USP39: variants seen among roughly 807,000 people sequenced by gnomAD.
The protein encoded by USP39 is ubiquitin specific peptidase 39, also known as ubiquitin carboxyl-terminal hydrolase 39.
Under a neutral mutation model 66.4 loss-of-function variants are expected in USP39, and 38 were observed. The ratio of observed to expected loss-of-function variants is 0.57; its 90% CI spans 0.44 to 0.75. USP39 has a LOEUF of 0.75. Among genes scored for constraint, USP39 ranks in the 30% least tolerant of loss-of-function variants. The probability of loss-of-function intolerance (pLI) is 0.00; values close to 1 mark genes in which losing one functional copy is unlikely to be tolerated. For synonymous variants in USP39, 303 were observed against 274.6 expected (o/e 1.10, Z -1.02); for missense variants, 608 against 714.4 (o/e 0.85, Z 1.70).
At chr2:85,621,386 A>G (rs1674450630) in intron 2 of USP39, 99 bp from the exon 3 acceptor site, 8 of 963,754 alleles carry the variant, frequency 8.3e-6, no homozygotes, top group Admixed American at 1.8e-5. Flanking sequence ...TTTCTGAAGG[A>G]TGTTATGTGG....
chr2:85,641,845 A>G (rs1321146544), intron 10 of USP39, among the ~76,000 whole-genome samples: 1 of 148,558 alleles, frequency 6.7e-6, no homozygotes, highest in Non-Finnish European at 1.5e-5. Context: ...TTGAGGCTGC[A>G]GTGAGCTGAG....
At chr2:85,626,800 C>T (rs1674899740) in intron 5 of USP39, among the ~76,000 whole-genome samples, 1 of 151,950 alleles carries the variant, frequency 6.6e-6, no homozygotes, top group African/African-American at 2.4e-5. Flanking sequence ...TCACTGCAAC[C>T]TCTGCCTCCC....
chr2:85,606,431 G>A (rs1198732696), intron 1 of USP39, among the ~76,000 whole-genome samples: 1 of 152,212 alleles, frequency 6.6e-6, no homozygotes, highest in East Asian at 1.9e-4. Context: ...CCCCAGCTGA[G>A]GGGTGGCAGT....
At chr2:85,631,730 T>G (rs1387426666) in intron 6 of USP39, among the ~76,000 whole-genome samples, 1 of 151,896 alleles carries the variant, frequency 6.6e-6, no homozygotes, top group African/African-American at 2.4e-5. Flanking sequence ...TCTGATGATA[T>G]TTTTGTTTTG....
At chr2:85,637,518 T>C in intron 8 of USP39, 82 bp downstream of exon 8, 1 of 1,462,028 alleles carries the variant, frequency 6.8e-7, no homozygotes, top group Non-Finnish European at 9.6e-7. Context: ...CTCAGAGAAC[T>C]GACAAGCCTG....
chr2:85,607,972 T>C (rs1474577456), upstream of USP39: 1 of 152,278 alleles, frequency 6.6e-6, no homozygotes, highest in Non-Finnish European at 1.5e-5. Context: ...TCATTCCCTC[T>C]GGCGTGCTGT....
chr2:85,609,033 G>A (rs762514760), upstream of USP39: 21 of 1,614,050 alleles, frequency 1.3e-5, no homozygotes, highest in East Asian at 8.9e-5. Context: ...CGTGTGTGCC[G>A]ACACCTTCTC....
intron 1 of USP39, among the ~76,000 whole-genome samples, chr2:85,604,678 G>A (rs1673154111): frequency 6.6e-6 from 1 of 152,262 alleles, no homozygotes; most frequent in South Asian, 2.1e-4. Flanking sequence ...ACAAGGGTGT[G>A]CTTCCTTGCT....
chr2:85,643,972 ATATT>A (rs1676447492), intron 10 of USP39, among the ~76,000 whole-genome samples: 1 of 152,156 alleles, frequency 6.6e-6, no homozygotes, highest in Admixed American at 6.5e-5. Context: ...TTAACAGTGA[ATATT>A]TATTGCAGTC....
Position 85,621,924 on chromosome 2 carries a change from A to G in USP39, c.433+345A>G, listed in dbSNP as rs552616557. ...AACCTCCGCCTCCTGGGTTCAAGCAATTGTCCTGCCTCAGCCTCCAGAGTA... is the reference window on the plus strand; with the variant it reads ...AACCTCCGCCTCCTGGGTTCAAGCAGTTGTCCTGCCTCAGCCTCCAGAGTA... On this transcript the variant is annotated intron_variant, in intron 3 of 12. Coordinates refer to ENST00000323701, the MANE Select transcript of USP39 (RefSeq NM_006590.4). Among the ~76,000 whole-genome samples the G allele has an allele frequency of 1.3e-4, 20 of 152,106 alleles. No individual in the cohort carries two copies. The East Asian group carries it at 3.3e-3, about 25-fold the overall frequency.
intron 6 of USP39, among the ~76,000 whole-genome samples, chr2:85,633,367 C>T (rs1439843976): frequency 2.0e-5 from 3 of 152,288 alleles, no homozygotes; most frequent in South Asian, 4.1e-4. Context: ...AGGTGATCCA[C>T]CCGCCTCGGC....
At chr2:85,618,571 AAAAC>A (rs1197438066) in intron 1 of USP39, among the ~76,000 whole-genome samples, 1 of 151,574 alleles carries the variant, frequency 6.6e-6, no homozygotes, top group Non-Finnish European at 1.5e-5. Context: ...CAAAAAAAAA[AAAAC>A]AAAAAAAAAA....
Position 85,646,883 on chromosome 2 carries a change from C to CTT in USP39, c.1564-1026_1564-1025dup, listed in dbSNP as rs773751290. Among the ~76,000 whole-genome samples the CTT allele has an allele frequency of 6.6e-3, 713 of 108,484 alleles. 9 individuals carry two copies. Among genetic ancestry groups the CTT allele is most frequent in the South Asian group, 0.014 (43 of 3,032 alleles). The allele number at this position is 108,484 out of a possible 152,430, so 71.2% of individuals were successfully genotyped here. A position where few individuals can be genotyped will look rare whatever the true frequency, so the allele number is the denominator to read the frequency against. ...GACACCTTTTCTTGATGACCTGTTG[C>CTT]TTTTTTTTTTTTTTTTTTTTTTAAG... On this transcript the variant is annotated intron_variant, in intron 11 of 12. Coordinates refer to ENST00000323701, the MANE Select transcript of USP39 (RefSeq NM_006590.4).
Position 85,621,590 on chromosome 2 carries a change from T to G in USP39, c.433+11T>G. The G allele has an allele frequency of 6.2e-7, 1 of 1,612,538 alleles. No individual in the cohort carries two copies. Among genetic ancestry groups the G allele is most frequent in the Non-Finnish European group, 8.5e-7 (1 of 1,179,008 alleles). ...GCAAGTACTTTCAAGGTAAATAAGT[T>G]GTTAGAGCTAACTGCAGATCTGCTC... On this transcript the variant is annotated intron_variant, in intron 3 of 12. Coordinates refer to ENST00000323701, the MANE Select transcript of USP39 (RefSeq NM_006590.4).
chr2:85,603,356 T>G (rs1012237401), intron 1 of USP39, among the ~76,000 whole-genome samples: 3 of 152,166 alleles, frequency 2.0e-5, no homozygotes, highest in African/African-American at 7.2e-5. Context: ...TTATTTGAAA[T>G]AAGACGGCAG....
intron 1 of USP39, among the ~76,000 whole-genome samples, chr2:85,616,799 T>G (rs983747866): frequency 6.7e-6 from 1 of 150,276 alleles, no homozygotes; most frequent in African/African-American, 2.4e-5. Context: ...TACCTCCGCC[T>G]CCCAGGTAGC....
upstream of USP39, chr2:85,607,667 C>CT (rs577067534): frequency 5.9e-5 from 9 of 152,314 alleles, no homozygotes; most frequent in East Asian, 1.5e-3. Flanking sequence ...CATCAGGTGT[C>CT]TTAACACCCG....
intron 1 of USP39, among the ~76,000 whole-genome samples, chr2:85,617,148 C>G (rs1674053003): frequency 7.0e-6 from 1 of 142,538 alleles, no homozygotes. Flanking sequence ...AGAAGCAAGT[C>G]TCGCTATGTT....
intron 2 of USP39, among the ~76,000 whole-genome samples, chr2:85,621,042 C>G (rs2104239384): frequency 6.6e-6 from 1 of 152,274 alleles, no homozygotes; most frequent in Admixed American, 6.5e-5. Flanking sequence ...GTATCCCAGT[C>G]TGGAGTGCAG....
Sources: allele counts gnomAD v4.1 joint callset (sites outside exome capture counted in the v4.1 genomes callset), GRCh38; gene constraint gnomAD v4.1.1; transcripts MANE v1.5; gene names NCBI Gene and HGNC (gene_info 2026-07-23, HGNC 2026-07-21).